Variants in CTNNA2 observed in about 807,000 individuals in gnomAD.
CTNNA2 encodes catenin alpha 2.
A neutral mutation model predicts 101.0 loss-of-function variants in CTNNA2; 42 were observed. That is an observed-to-expected ratio of 0.42 (90% CI 0.32 to 0.54). The LOEUF is 0.54. CTNNA2 is among the 20% of genes least tolerant of loss of function. The probability of loss-of-function intolerance (pLI) is 0.14; values close to 1 mark genes in which losing one functional copy is unlikely to be tolerated. For missense variants in CTNNA2, 871 were observed against 1,223.1 expected, an observed-to-expected ratio of 0.71 and a Z score of 4.29; for synonymous variants, 450 against 456.4, an observed-to-expected ratio of 0.99 and a Z score of 0.18.
intron 1 of CTNNA2, among the ~76,000 whole-genome samples, chr2:79,579,772 G>A (rs185011120): frequency 6.3e-4 from 96 of 152,046 alleles, no homozygotes; most frequent in South Asian, 2.9e-3. Context: ...GTACCACCAC[G>A]CCTGGCTAAT....
At chr2:79,855,167 A>G (rs1681026771) in intron 3 of CTNNA2, among the ~76,000 whole-genome samples, 1 of 152,164 alleles carries the variant, frequency 6.6e-6, no homozygotes, top group Non-Finnish European at 1.5e-5. Context: ...AGAAAGGCAG[A>G]TGGCATTTTC....
chr2:80,080,326 C>CAA (rs955899878), intron 7 of CTNNA2, among the ~76,000 whole-genome samples: 1 of 152,118 alleles, frequency 6.6e-6, no homozygotes, highest in Non-Finnish European at 1.5e-5. Flanking sequence ...AAAGGAGACA[C>CAA]AAATGGATCA....
intron 1 of CTNNA2, chr2:79,634,461 C>T (rs1044045880): frequency 6.6e-5 from 10 of 152,262 alleles, no homozygotes; most frequent in South Asian, 4.2e-4. Flanking sequence ...GGTTCAATTT[C>T]GAAGGGGCTG....
chr2:79,255,786 A>G (rs1049597416), intron 2 of CTNNA2, among the ~76,000 whole-genome samples: 9 of 152,218 alleles, frequency 5.9e-5, no homozygotes, highest in African/African-American at 2.2e-4. Context: ...ACATACATAA[A>G]TATGGGATTT....
intron 3 of CTNNA2, among the ~76,000 whole-genome samples, chr2:79,317,880 G>T (rs1249273461): frequency 6.6e-6 from 1 of 151,888 alleles, no homozygotes; most frequent in Non-Finnish European, 1.5e-5. Context: ...TTATCAATAT[G>T]GACATAATTT....
At chr2:80,577,052 T>C (rs116447786) in intron 13 of CTNNA2, among the ~76,000 whole-genome samples, 1,845 of 152,192 alleles carry the variant, frequency 0.012, 44 homozygotes, top group African/African-American at 0.041. Context: ...GTGTCTAGTT[T>C]TATTAATTAG....
At chr2:80,037,343 CCTT>C (rs1236505165) in intron 7 of CTNNA2, among the ~76,000 whole-genome samples, 1 of 152,210 alleles carries the variant, frequency 6.6e-6, no homozygotes, top group African/African-American at 2.4e-5. Flanking sequence ...GTAACCATGT[CCTT>C]CTAATTGTGG....
chr2:79,424,763 G>C (rs116344323), intron 4 of CTNNA2, among the ~76,000 whole-genome samples: 3 of 152,074 alleles, frequency 2.0e-5, no homozygotes, highest in African/African-American at 7.2e-5. Context: ...CCATGACAAC[G>C]AGTGGGTCAA....
intron 3 of CTNNA2, among the ~76,000 whole-genome samples, chr2:79,334,089 C>T (rs980962924): frequency 7.9e-5 from 12 of 152,034 alleles, no homozygotes; most frequent in African/African-American, 1.9e-4. Context: ...GTGTTGGGGA[C>T]GTTCAAAATC....
At chr2:79,620,876 T>C (rs943668434) in intron 1 of CTNNA2, among the ~76,000 whole-genome samples, 10 of 152,180 alleles carry the variant, frequency 6.6e-5, no homozygotes, top group Non-Finnish European at 1.2e-4. Context: ...AAAAGCTGAC[T>C]AGAGCGTTAA....
intron 6 of CTNNA2, among the ~76,000 whole-genome samples, chr2:79,880,551 T>C (rs775646141): frequency 5.3e-5 from 8 of 152,210 alleles, no homozygotes; most frequent in Non-Finnish European, 8.8e-5. Context: ...CTTGGGAGAC[T>C]GTATGTGTCC....
intron 7 of CTNNA2, among the ~76,000 whole-genome samples, chr2:80,157,570 G>T: frequency 6.6e-6 from 1 of 152,066 alleles, no homozygotes; most frequent in East Asian, 1.9e-4. Context: ...GTATCAAGTG[G>T]AACTTGGGCA....
chr2:79,385,351 T>C (rs1471365236), intron 4 of CTNNA2, among the ~76,000 whole-genome samples: 1 of 152,326 alleles, frequency 6.6e-6, no homozygotes, highest in South Asian at 2.1e-4. Flanking sequence ...TTCCCCAAAA[T>C]GTCACTTCTT....
intron 3 of CTNNA2, among the ~76,000 whole-genome samples, chr2:79,756,494 G>T (rs1042484694): frequency 1.3e-5 from 2 of 152,024 alleles, no homozygotes; most frequent in African/African-American, 4.8e-5. Flanking sequence ...ATTAAACAGG[G>T]TGATGATTAT....
chr2:79,624,725 A>G (rs1573504675), intron 1 of CTNNA2, among the ~76,000 whole-genome samples: 2 of 152,200 alleles, frequency 1.3e-5, no homozygotes, highest in East Asian at 3.9e-4. Context: ...TGAGGGGAAT[A>G]CCATTTCTGT....
intron 7 of CTNNA2, among the ~76,000 whole-genome samples, chr2:80,285,582 C>T (rs1479766786): frequency 2.0e-5 from 3 of 152,086 alleles, no homozygotes; most frequent in South Asian, 4.1e-4. Flanking sequence ...AGTCTGGGGA[C>T]CAAGTCATTA....
chr2:80,447,782 C>G (rs182442700), intron 9 of CTNNA2, among the ~76,000 whole-genome samples: 31 of 151,908 alleles, frequency 2.0e-4, no homozygotes, highest in African/African-American at 7.0e-4. Context: ...TTAGTTCACC[C>G]TTAGAAATCC....
chr2:79,770,633 C>G (rs897188246), intron 3 of CTNNA2, among the ~76,000 whole-genome samples: 2 of 152,108 alleles, frequency 1.3e-5, no homozygotes, highest in Non-Finnish European at 2.9e-5. Context: ...TATGGGCAAA[C>G]TATTTTAAAA....
intron 4 of CTNNA2, among the ~76,000 whole-genome samples, chr2:79,403,906 T>C (rs187253273): frequency 5.9e-5 from 9 of 152,114 alleles, no homozygotes; most frequent in East Asian, 5.8e-4. Flanking sequence ...TTCACACACC[T>C]GGTTGTATAT....
Sources: allele counts gnomAD v4.1 joint callset (sites outside exome capture counted in the v4.1 genomes callset), GRCh38; gene constraint gnomAD v4.1.1; transcripts MANE v1.5; gene names NCBI Gene and HGNC (gene_info 2026-07-23, HGNC 2026-07-21).